The following CTNNA1 variants were observed in gnomAD, a reference collection of about 807,000 sequenced individuals.
The protein encoded by CTNNA1 is catenin alpha-1.
A neutral mutation model predicts 98.4 loss-of-function variants in CTNNA1; 37 were observed. The ratio of observed to expected loss-of-function variants is 0.38; its 90% CI spans 0.29 to 0.49. The LOEUF (loss-of-function observed/expected upper bound fraction) is 0.49, where lower values mean the gene tolerates loss of function less well. Among genes scored for constraint, CTNNA1 ranks in the 20% least tolerant of loss-of-function variants. The pLI is 0.95. For missense variants in CTNNA1, 761 were observed against 1,147.2 expected (o/e 0.66, Z 4.86); for synonymous variants, 404 against 413.2 (o/e 0.98, Z 0.27).
chr5:138,827,152 G>C (rs1285454143), intron 6 of CTNNA1, among the ~76,000 whole-genome samples: 1 of 152,186 alleles, frequency 6.6e-6, no homozygotes, highest in Admixed American at 6.5e-5. Flanking sequence ...TATTCTGCAA[G>C]TAAGAGGTAA....
intron 7 of CTNNA1, among the ~76,000 whole-genome samples, chr5:138,848,287 A>G (rs1762902954): frequency 6.6e-6 from 1 of 152,238 alleles, no homozygotes; most frequent in Non-Finnish European, 1.5e-5. Context: ...AAGTGTATAG[A>G]AAAGAGTCAT....
Position 138,852,723 on chromosome 5 carries a change from T to A in CTNNA1, c.1062+25005T>A, listed in dbSNP as rs189935398. Among the ~76,000 whole-genome samples the A allele has an allele frequency of 4.0e-3, 602 of 151,594 alleles. 6 individuals carry two copies. Among genetic ancestry groups the A allele is most frequent in the African/African-American group, 0.013 (525 of 41,350 alleles). The stretch of plus-strand genomic sequence containing the variant: ...TGCTGATTCCCCTGATTTCCCTCCT[T>A]CCCTTCTCCTCCCTCCTTCTACCCG... On this transcript the variant is annotated intron_variant, in intron 7 of 17. Transcript: ENST00000302763.
intron 11 of CTNNA1, among the ~76,000 whole-genome samples, chr5:138,922,368 C>T (rs1763093281): frequency 6.6e-6 from 1 of 152,160 alleles, no homozygotes; most frequent in Non-Finnish European, 1.5e-5. Flanking sequence ...GGGTACTATG[C>T]AGCCATTAAA....
At chr5:138,904,235 C>T in intron 9 of CTNNA1, 114 bp from the exon 10 acceptor site, 2 of 1,312,056 alleles carry the variant, frequency 1.5e-6, no homozygotes, top group East Asian at 5.1e-5. Flanking sequence ...AAGGGAGGCA[C>T]CCTTGGTGCC....
At chr5:138,763,552 A>C (rs943707606) in intron 1 of CTNNA1, among the ~76,000 whole-genome samples, 3 of 152,184 alleles carry the variant, frequency 2.0e-5, no homozygotes, top group African/African-American at 7.2e-5. Flanking sequence ...CATATTGCTT[A>C]GGCTGATCTT....
chr5:138,800,549 C>T (rs866135438), intron 3 of CTNNA1, among the ~76,000 whole-genome samples: 1 of 152,064 alleles, frequency 6.6e-6, no homozygotes, highest in African/African-American at 2.4e-5. Flanking sequence ...AATCCCAGCA[C>T]TTTGGGAGGC....
intron 1 of CTNNA1, among the ~76,000 whole-genome samples, chr5:138,768,426 GCTT>G (rs1477999913): frequency 6.6e-6 from 1 of 151,326 alleles, no homozygotes; most frequent in Non-Finnish European, 1.5e-5. Flanking sequence ...ACCCAGCTAA[GCTT>G]TTTTTTTTTA....
rs756586452 is a variant in CTNNA1 at position 138,825,482 on chromosome 5, G to GTTTTTTTTTTTTTTTTTTTTT, written c.858+699_858+700insTTTTTTTTTTTTTTTTTTTTT. Among the ~76,000 whole-genome samples, 54 of 74,114 alleles carry GTTTTTTTTTTTTTTTTTTTTT rather than the reference G, an allele frequency of 7.3e-4. 18 individuals are homozygous for GTTTTTTTTTTTTTTTTTTTTT. Among genetic ancestry groups the GTTTTTTTTTTTTTTTTTTTTT allele is most frequent in the Middle Eastern group, 0.016 (2 of 126 alleles). 48.6% of individuals were successfully genotyped at this position (74,114 alleles called of 152,430 possible). On this transcript the variant is annotated intron_variant, in intron 6 of 17. Coordinates refer to ENST00000302763, the MANE Select transcript of CTNNA1 (RefSeq NM_001903.5). ...CTTCCAGTAGATGGCAGCAGTATAAGTTTTTTTTTTTTTTTTAGGGCTTTA... is the reference window on the plus strand; with the variant it reads ...CTTCCAGTAGATGGCAGCAGTATAAGTTTTTTTTTTTTTTTTTTTTTTTTTTTTTTTTTTTTTAGGGCTTTA...
intron 1 of CTNNA1, among the ~76,000 whole-genome samples, chr5:138,758,851 G>A (rs992673820): frequency 4.7e-5 from 7 of 150,030 alleles, no homozygotes; most frequent in Admixed American, 2.0e-4. Context: ...CTCGTTGCCC[G>A]GACTGGAGTG....
At chr5:138,785,211 G>C (rs538894874) in intron 3 of CTNNA1, among the ~76,000 whole-genome samples, 1 of 150,988 alleles carries the variant, frequency 6.6e-6, no homozygotes, top group Non-Finnish European at 1.5e-5. Context: ...ACAGGCGCCC[G>C]CCACTACGCC....
chr5:138,778,822 A>G (rs971034012), intron 1 of CTNNA1, among the ~76,000 whole-genome samples: 2 of 152,236 alleles, frequency 1.3e-5, no homozygotes, highest in South Asian at 2.1e-4. Flanking sequence ...TCTAATCTCC[A>G]CTAAAGCTCT....
intron 3 of CTNNA1, among the ~76,000 whole-genome samples, chr5:138,785,623 C>T (rs561040347): frequency 1.3e-5 from 2 of 152,088 alleles, no homozygotes; most frequent in African/African-American, 2.4e-5. Flanking sequence ...TGCAGTGGTG[C>T]GATCTTGGCT....
chr5:138,864,563 A>AAATT (rs1412228833), intron 7 of CTNNA1, among the ~76,000 whole-genome samples: 1 of 152,190 alleles, frequency 6.6e-6, no homozygotes, highest in Non-Finnish European at 1.5e-5. Flanking sequence ...TCCTTGCTTT[A>AAATT]AAGTTAAGCT....
At position 138,917,837 on chromosome 5, in the gene CTNNA1, C is replaced by G. The variant is rs1232689446; in HGVS notation, c.1485C>G (p.Val495=). ...TTAAAGAACAATGGGAAAAACAAGTCCGTGTTCTCACAGATGCTGTCGATG... is the reference window on the plus strand; with the variant it reads ...TTAAAGAACAATGGGAAAAACAAGTGCGTGTTCTCACAGATGCTGTCGATG... ...DLFKEQWEKQ[V]RVLTDAVDDI... is the part of the protein sequence containing the mutation. Residue 495 remains valine, a synonymous_variant, in exon 11 of 18, where the codon GTC becomes GTG. Transcript: ENST00000302763. The G allele has an allele frequency of 1.9e-6, 3 of 1,614,200 alleles. No homozygotes were observed. The highest frequency in any genetic ancestry group is 1.1e-5 in the South Asian group (1 of 91,090).
At chr5:138,788,219 G>T (rs1019607231) in intron 3 of CTNNA1, among the ~76,000 whole-genome samples, 1 of 152,186 alleles carries the variant, frequency 6.6e-6, no homozygotes, top group Non-Finnish European at 1.5e-5. Flanking sequence ...TGCAGGTTCT[G>T]TGCTGGTCTG....
chr5:138,764,200 A>G lies in CTNNA1; in HGVS notation c.-3+10690A>G, dbSNP rs537782605. On this transcript the variant is annotated intron_variant, in intron 1 of 17. Coordinates refer to ENST00000302763, the MANE Select transcript of CTNNA1 (RefSeq NM_001903.5). ...AATCTGTCTCAAAAAAACAAAAAAC[A>G]AAAAACAAAAAAATAATTAGCCGGG... Among the ~76,000 whole-genome samples, 101 of 151,924 alleles carry G rather than the reference A, an allele frequency of 6.6e-4. 1 individual carries two copies. In the Middle Eastern group the frequency reaches 0.017, roughly 26 times the overall value.
At chr5:138,868,696 C>T (rs1244254678) in intron 7 of CTNNA1, among the ~76,000 whole-genome samples, 1 of 152,194 alleles carries the variant, frequency 6.6e-6, no homozygotes, top group East Asian at 1.9e-4. Flanking sequence ...TAGGCACTCT[C>T]CCTTCTCACC....
At chr5:138,799,892 G>GTATGTATGTA (rs1457322147) in intron 3 of CTNNA1, among the ~76,000 whole-genome samples, 4 of 138,962 alleles carry the variant, frequency 2.9e-5, no homozygotes, top group Admixed American at 6.9e-5. Flanking sequence ...ATGTATGTAT[G>GTATGTATGTA]TGTGTGTGTA....
chr5:138,791,615 CAA>C (rs1181055311), intron 3 of CTNNA1, among the ~76,000 whole-genome samples: 5 of 40,304 alleles, frequency 1.2e-4, no homozygotes, highest in Non-Finnish European at 1.6e-4. Flanking sequence ...GACTCCGTCT[CAA>C]AAAAAAAAAA....
Sources: allele counts gnomAD v4.1 joint callset (sites outside exome capture counted in the v4.1 genomes callset), GRCh38; gene constraint gnomAD v4.1.1; transcripts MANE v1.5; gene names NCBI Gene and HGNC (gene_info 2026-07-23, HGNC 2026-07-21).